Variants in CST5 observed in about 807,000 individuals in gnomAD.
The protein encoded by CST5 is cystatin-D.
A neutral mutation model predicts 11.5 loss-of-function variants in CST5; 13 were observed. The observed-to-expected ratio is 1.13, with a 90% CI of 0.73 to 1.79. The LOEUF (loss-of-function observed/expected upper bound fraction) is 1.79, where lower values mean the gene tolerates loss of function less well. Among genes scored for constraint, CST5 ranks in the 40% most tolerant of loss-of-function variants. CST5 has a pLI of 0.00. For missense variants in CST5, 219 were observed against 174.5 expected, an observed-to-expected ratio of 1.25 and a Z score of -1.44; for synonymous variants, 81 against 67.6, an observed-to-expected ratio of 1.20 and a Z score of -0.97.
In CST5 at chr20:23,876,095, C is replaced by T; in HGVS notation, c.*93G>A. ...TCCTGGTGCAGGCGCATGAGGAGAC[C>T]TCCCCCAGGGTGGGGGCCACCAGTC... On this transcript the variant is annotated 3_prime_UTR_variant, in exon 3 of 3. Transcript: ENST00000304710. 1.0e-6 allele frequency: 1 copy of T among 996,878 alleles called. No individual in the cohort carries two copies. The highest frequency in any genetic ancestry group is 1.5e-6 in the Non-Finnish European group (1 of 651,216). 61.8% of individuals were successfully genotyped at this position (996,878 alleles called of 1,614,324 possible).
At chr20:23,879,333 A>G (rs1208430803) in intron 1 of CST5, 113 bp downstream of exon 1, 2 of 815,070 alleles carry the variant, frequency 2.5e-6, no homozygotes, top group African/African-American at 1.7e-5. Context: ...ACAGTCAGAG[A>G]AAGCTGAATG....
rs771848263 is a variant in CST5 at position 23,877,537 on chromosome 20, A to G, written c.313T>C (p.Cys105Arg). ...AGTTTTGGCTGGTCATTGAAGGGAC[A>G]GTTGTCCAAGTTGGGCTGGGACTTG... ...CTKSQPNLDNCPFNDQPKLKE... is the reference protein window; with the variant it reads ...CTKSQPNLDNRPFNDQPKLKE... The change falls in exon 2 of 3, where the codon TGT (cysteine) becomes CGT (arginine). Residue 105 changes from cysteine to arginine, a missense_variant. Coordinates refer to ENST00000304710, the MANE Select transcript of CST5 (RefSeq NM_001900.5). The G allele has an allele frequency of 6.2e-7, 1 of 1,614,062 alleles. No individual in the cohort carries two copies. The highest frequency in any genetic ancestry group is 1.3e-5 in the African/African-American group (1 of 74,920).
At chr20:23,877,720 C>T (rs1443096405) in intron 1 of CST5, 102 bp from the exon 2 acceptor site, 10 of 920,032 alleles carry the variant, frequency 1.1e-5, no homozygotes, top group Non-Finnish European at 1.7e-5. Flanking sequence ...CCTGGGGCTT[C>T]ATGCCCACAC....
intron 2 of CST5, 56 bp downstream of exon 2, chr20:23,877,449 A>G: frequency 7.6e-7 from 1 of 1,322,080 alleles, no homozygotes; most frequent in Non-Finnish European, 1.1e-6. Context: ...ACACACACAC[A>G]CATGCACACA....
intron 2 of CST5, 51 bp from the exon 3 acceptor site, chr20:23,876,322 A>G: frequency 6.9e-7 from 1 of 1,446,088 alleles, no homozygotes; most frequent in Non-Finnish European, 9.7e-7. Context: ...AGTTAAAGCC[A>G]AAGATGCCCA....
chr20:23,878,445 C>T (rs548160138), intron 1 of CST5, among the ~76,000 whole-genome samples: 1 of 152,268 alleles, frequency 6.6e-6, no homozygotes, highest in East Asian at 1.9e-4. Flanking sequence ...GGGTGCTAGA[C>T]CTTGCCCTGT....
At chr20:23,877,868 G>T (rs980222751) in intron 1 of CST5, among the ~76,000 whole-genome samples, 1 of 152,206 alleles carries the variant, frequency 6.6e-6, no homozygotes, top group African/African-American at 2.4e-5. Context: ...GAGAAGCAGG[G>T]GCAGGGCAGA....
chr20:23,879,574 G>A lies in CST5; in HGVS notation c.103C>T (p.His35Tyr). Residue 35 changes from histidine (H) to tyrosine (Y), a missense_variant, in exon 1 of 3, where the codon CAT becomes TAT. Transcript: ENST00000304710. ...CTCTTGTCATTGAGGTCTGTGGCAT[G>A]GATGCCACCTGCCAAGGTCCTAGAT... ...AQSRTLAGGI[H>Y]ATDLNDKSVQ... is the part of the protein sequence containing the mutation. 4 of 1,614,044 alleles carry A rather than the reference G, an allele frequency of 2.5e-6. No homozygotes were observed. In the South Asian group the frequency reaches 4.4e-5, roughly 18 times the overall value.
At chr20:23,878,047 G>T (rs1986001622) in intron 1 of CST5, among the ~76,000 whole-genome samples, 1 of 152,186 alleles carries the variant, frequency 6.6e-6, no homozygotes, top group Admixed American at 6.5e-5. Flanking sequence ...ACTGAATTCT[G>T]CTACCTGTGC....
intron 2 of CST5, 84 bp downstream of exon 2, chr20:23,877,421 A>G: frequency 9.6e-7 from 1 of 1,040,484 alleles, no homozygotes; most frequent in Non-Finnish European, 1.5e-6. Flanking sequence ...AGGAGTACAG[A>G]TGCGTGCACA....
Position 23,876,256 on chromosome 20 carries a change from A to C in CST5, c.361T>G (p.Phe121Val). The C allele has an allele frequency of 6.2e-7, 1 of 1,613,258 alleles. No homozygotes were observed. The highest frequency in any genetic ancestry group is 1.1e-5 in the South Asian group (1 of 91,058). ...PKLKEEEFCS[F>V]QINEVPWEDK... ...TCCCAGGGAACTTCATTGATCTGGA[A>C]AGAGCAGAACTCTTCCTGTGAAAAG... The change falls in exon 3 of 3, where the codon TTC becomes GTC. Residue 121 changes from phenylalanine (F) to valine (V), a missense_variant. Physicochemically the swap from Phe to Val is conservative, Grantham distance 50. Coordinates refer to ENST00000304710, the MANE Select transcript of CST5 (RefSeq NM_001900.5).
rs148371132 is a variant in CST5 at position 23,876,263 on chromosome 20, G to A, written c.354C>T (p.Phe118=). 2.4e-5 allele frequency: 38 copies of A among 1,612,290 alleles called. No homozygotes were observed. The East Asian group carries it at 8.0e-4, about 34-fold the overall frequency. Residue 118 remains phenylalanine (F), a synonymous_variant, in exon 3 of 3, where the codon TTC becomes TTT. Transcript: ENST00000304710. ...NDQPKLKEEE[F]CSFQINEVPW... ...GAACTTCATTGATCTGGAAAGAGCA[G>A]AACTCTTCCTGTGAAAAGAAAGAGA...
At position 23,879,687 on chromosome 20, in the gene CST5, G is replaced by A; in HGVS notation, c.-11C>T. 6.2e-7 allele frequency: 1 copy of A among 1,609,720 alleles called. No homozygotes were observed. Among genetic ancestry groups the A allele is most frequent in the Non-Finnish European group, 8.5e-7 (1 of 1,176,756 alleles). On this transcript the variant is annotated 5_prime_UTR_variant, in exon 1 of 3. Transcript: ENST00000304710. ...CATGGGCCACATCATGTTCTACTGG[G>A]ACACAGAGCAAGGAGCTGGATCTCC...
At chr20:23,876,567 A>G (rs1985965923) in intron 2 of CST5, among the ~76,000 whole-genome samples, 1 of 152,168 alleles carries the variant, frequency 6.6e-6, no homozygotes, top group African/African-American at 2.4e-5. Context: ...TGGGAGCCTC[A>G]GGGGTGCAGG....
Position 23,876,146 on chromosome 20 carries a change from G to T in CST5, c.*42C>A. Reference sequence around the variant, plus strand: ...CAGGGGTGGGAGCACTACAGGGGGTGGGAGTAGGAGGTGGTCAGTGTGACA... The same window carrying T: ...CAGGGGTGGGAGCACTACAGGGGGTTGGAGTAGGAGGTGGTCAGTGTGACA... On this transcript the variant is annotated 3_prime_UTR_variant, in exon 3 of 3. Coordinates refer to ENST00000304710, the MANE Select transcript of CST5 (RefSeq NM_001900.5). The T allele has an allele frequency of 1.3e-6, 2 of 1,515,498 alleles. No homozygotes were observed. The highest frequency in any genetic ancestry group is 1.1e-5 in the South Asian group (1 of 88,442). The allele number at this position is 1,515,498 out of a possible 1,614,324, so 93.9% of individuals were successfully genotyped here.
At chr20:23,876,307 G>T (rs775791099) in intron 2 of CST5, 36 bp from the exon 3 acceptor site, 2 of 1,551,840 alleles carry the variant, frequency 1.3e-6, no homozygotes, top group Non-Finnish European at 1.8e-6. Flanking sequence ...ATGACTGTGG[G>T]TTACAGTTAA....
chr20:23,878,628 C>T (rs1197844520), intron 1 of CST5, among the ~76,000 whole-genome samples: 2 of 151,480 alleles, frequency 1.3e-5, no homozygotes, highest in Non-Finnish European at 2.9e-5. Flanking sequence ...ACCACAGCAC[C>T]AGGGAATGCC....
rs527503200 is a variant in CST5, at chr20:23,876,082, C to T, written c.*106G>A. On this transcript the variant is annotated 3_prime_UTR_variant, in exon 3 of 3. Transcript: ENST00000304710. ...TTCTGTGTCTGTCTCCTGGTGCAGG[C>T]GCATGAGGAGACCTCCCCCAGGGTG... 75 of 799,040 alleles carry T rather than the reference C, an allele frequency of 9.4e-5. No individual in the cohort carries two copies. Among genetic ancestry groups the T allele is most frequent in the Non-Finnish European group, 1.4e-4 (69 of 479,362 alleles). 49.5% of individuals were successfully genotyped at this position (799,040 alleles called of 1,614,324 possible). A position where few individuals can be genotyped will look rare whatever the true frequency, so the allele number is the denominator to read the frequency against.
Position 23,879,534 on chromosome 20 carries a change from A to C in CST5, c.143T>G (p.Leu48Arg), listed in dbSNP as rs1986038452. The C allele has an allele frequency of 1.2e-6, 2 of 1,614,070 alleles. No individual in the cohort carries two copies. The highest frequency in any genetic ancestry group is 1.3e-5 in the African/African-American group (1 of 74,988). The change falls in exon 1 of 3, where the codon CTG becomes CGG. Residue 48 changes from leucine (L) to arginine (R), a missense_variant. Transcript: ENST00000304710. ...DLNDKSVQCA[L>R]DFAISEYNKV... ...GTTGTACTCGCTGATGGCAAAGTCC[A>C]GGGCACACTGCACACTCTTGTCATT... is the stretch of plus-strand genomic sequence containing the variant.
Sources: gnomAD v4.1 joint callset for allele counts (sites outside exome capture counted in the v4.1 genomes callset) on GRCh38, gnomAD v4.1.1 for gene constraint, MANE v1.5 for transcripts, NCBI Gene and HGNC (gene_info 2026-07-23, HGNC 2026-07-21) for gene names.